Variants in SZT2 observed in about 807,000 individuals in gnomAD.
SZT2 encodes the protein KICSTOR complex protein SZT2.
A neutral mutation model predicts 404.2 loss-of-function variants in SZT2; 216 were observed. The observed-to-expected ratio is 0.53, with a 90% confidence interval of 0.48 to 0.60. SZT2 has a LOEUF of 0.60. Among genes scored for constraint, SZT2 ranks in the 20% least tolerant of loss-of-function variants. The pLI is 0.00. For synonymous variants in SZT2, 1,693 were observed against 1,749.9 expected, an observed-to-expected ratio of 0.97 and a Z score of 0.81; for missense variants, 3,857 against 4,459.2, an observed-to-expected ratio of 0.86 and a Z score of 3.85.
intron 5 of SZT2, 85 bp from the exon 6 acceptor site, chr1:43,415,875 G>C: frequency 1.4e-6 from 2 of 1,473,862 alleles, no homozygotes; most frequent in Non-Finnish European, 1.8e-6. Flanking sequence ...GGCCTGAGAA[G>C]TGCTGGGCTA....
intron 28 of SZT2, chr1:43,429,249 A>G (rs1653562500): frequency 1.3e-5 from 2 of 159,146 alleles, no homozygotes; most frequent in Admixed American, 5.9e-5. Flanking sequence ...AGGCTGTAAT[A>G]TGAAATATTA....
rs755346632 is a variant in SZT2 at position 43,428,032 on chromosome 1, C to A, written c.3833C>A (p.Ser1278Tyr). The A allele has an allele frequency of 2.5e-6, 4 of 1,614,212 alleles. No individual in the cohort carries two copies. Among genetic ancestry groups the A allele is most frequent in the Non-Finnish European group, 3.4e-6 (4 of 1,180,032 alleles). The change falls in exon 27 of 72, where the codon TCC becomes TAC. Residue 1278 changes from serine (S) to tyrosine (Y), a missense_variant. Physicochemically the swap from Ser to Tyr is moderately radical, Grantham distance 144 (BLOSUM62 -2). Transcript: ENST00000634258. ...CAGTTCCTCGACCACCCCTCCCCAT[C>A]CTCAGCCTGGATGGAACCCCGGTAC... ...RTQFLDHPSP[S>Y]SAWMEPRYKE...
Position 43,447,021 on chromosome 1 carries a change from T to C in SZT2, c.9139T>C (p.Tyr3047His). ...RDLMHVHSFSYDFHLRLVHQH... is the reference protein window; with the variant it reads ...RDLMHVHSFSHDFHLRLVHQH... ...CCTGATGCACGTGCACTCGTTCAGC[T>C]ATGACTTCCATCTGCGCCTCGTGCA... Residue 3047 changes from tyrosine (Y) to histidine (H), a missense_variant, in exon 66 of 72, where the codon TAT (tyrosine) becomes CAT (histidine). Transcript: ENST00000634258. 6.2e-7 allele frequency: 1 copy of C among 1,613,956 alleles called. No homozygotes were observed. Among genetic ancestry groups the C allele is most frequent in the African/African-American group, 1.3e-5 (1 of 75,074 alleles).
At chr1:43,434,525 G>A (rs1654264274) in intron 41 of SZT2, 40 bp downstream of exon 41, 23 of 1,496,602 alleles carry the variant, frequency 1.5e-5, no homozygotes, top group Admixed American at 2.1e-5. Context: ...ACACAGAGCA[G>A]ATGAGAACCA....
In SZT2 at chr1:43,452,172, A is replaced by G. The variant is rs771423641; in HGVS notation, c.*1692A>G. ...CCCTTCTCCGCACACCCACAGAGAC[A>G]TGTAAGTACGTGTGTGTTTCCACCT... On this transcript the variant is annotated 3_prime_UTR_variant, in exon 72 of 72. Transcript: ENST00000634258. 4 of 1,567,610 alleles carry G rather than the reference A, an allele frequency of 2.6e-6. No individual in the cohort carries two copies. In the African/African-American group the frequency reaches 4.1e-5, roughly 16 times the overall value.
chr1:43,429,592 T>A (rs1209269949), intron 28 of SZT2, 111 bp from the exon 29 acceptor site: 2 of 1,371,010 alleles, frequency 1.5e-6, no homozygotes, highest in African/African-American at 2.9e-5. Flanking sequence ...TTACGCTAAG[T>A]ACTCTTCCTG....
intron 7 of SZT2, among the ~76,000 whole-genome samples, chr1:43,417,168 T>C (rs997474691): frequency 1.3e-5 from 2 of 152,130 alleles, no homozygotes; most frequent in Non-Finnish European, 1.5e-5. Flanking sequence ...AAGTCATTAG[T>C]TGGGTTTATG....
Position 43,425,496 on chromosome 1 carries a change from G to A in SZT2, c.2668G>A (p.Asp890Asn), listed in dbSNP as rs1454443748. 6.2e-7 allele frequency: 1 copy of A among 1,614,168 alleles called. No homozygotes were observed. The highest frequency in any genetic ancestry group is 1.7e-5 in the Admixed American group (1 of 60,020). ...TAGCTTCTCGACAGATGATGACAAT[G>A]ATGTGGAAGTGGAGGCCCTGGAGGG... ...KDSFSTDDDN[D>N]VEVEALEGDS... The change falls in exon 19 of 72, where the codon GAT (aspartate) becomes AAT (asparagine). Residue 890 changes from aspartate (D) to asparagine (N), a missense_variant. Asp to Asn is a conservative substitution (Grantham distance 23). Coordinates refer to ENST00000634258, the MANE Select transcript of SZT2 (RefSeq NM_001365999.1). This position sits in a 1 kb window ranked among gnomAD's most constrained non-coding sequence, Gnocchi z 4.3.
intron 1 of SZT2, among the ~76,000 whole-genome samples, chr1:43,390,282 T>G (rs1282614993): frequency 6.6e-6 from 1 of 152,260 alleles, no homozygotes; most frequent in Admixed American, 6.5e-5. Flanking sequence ...TTAACAAAAC[T>G]TGTATTTTGA....
chr1:43,403,428 C>A (rs1464200810), intron 2 of SZT2, 126 bp downstream of exon 2: 1 of 1,434,406 alleles, frequency 7.0e-7, no homozygotes, highest in Non-Finnish European at 9.3e-7. Flanking sequence ...GGACTGCCTA[C>A]AAGATGATGG....
chr1:43,440,180 T>G lies in SZT2; in HGVS notation c.7210+132T>G, dbSNP rs114364293. 7.3e-4 allele frequency: 959 copies of G among 1,315,424 alleles called. 3 individuals are homozygous for G. Among genetic ancestry groups the G allele is most frequent in the Middle Eastern group, 6.3e-3 (24 of 3,828 alleles). 81.5% of individuals were successfully genotyped at this position (1,315,424 alleles called of 1,614,324 possible). A position where few individuals can be genotyped will look rare whatever the true frequency, so the allele number is the denominator to read the frequency against. On this transcript the variant is annotated intron_variant, in intron 51 of 71. Transcript: ENST00000634258. The stretch of plus-strand genomic sequence containing the variant: ...GAACTACTACATCAGAACCACTTAT[T>G]CACAGTTGTCCGTGAGCTTGTCTGG...
At position 43,422,677 on chromosome 1, in the gene SZT2, C is replaced by G. The variant is rs77379551; in HGVS notation, c.1922+45C>G. ...TTCACCCCCCGCCCCCCCACCCCCC[C>G]GCCACCTCATCCCATGTCTCCCTCT... is the stretch of plus-strand genomic sequence containing the variant. On this transcript the variant is annotated intron_variant, in intron 13 of 71. Transcript: ENST00000634258. 59,435 of 1,154,274 alleles carry G rather than the reference C, an allele frequency of 0.051. 1,347 individuals are homozygous for G. The highest frequency in any genetic ancestry group is 0.06 in the Non-Finnish European group (52,586 of 882,056). 71.5% of individuals were successfully genotyped at this position (1,154,274 alleles called of 1,614,324 possible).
chr1:43,446,620 A>G (rs1655704212), intron 65 of SZT2: 5 of 671,250 alleles, frequency 7.4e-6, no homozygotes, highest in Admixed American at 5.1e-5. Context: ...CGGTCATCCA[A>G]AGCGTGTTCA....
Position 43,453,640 on chromosome 1 carries a change from C to G in SZT2, c.*3160C>G, listed in dbSNP as rs1456631721. 6.7e-7 allele frequency: 1 copy of G among 1,491,382 alleles called. No homozygotes were observed. The highest frequency in any genetic ancestry group is 2.3e-5 in the Admixed American group (1 of 42,830). 92.4% of individuals were successfully genotyped at this position (1,491,382 alleles called of 1,614,324 possible). ...ACAAGCCGCAGCCCCGCTTCTCGCG[C>G]GGCGCGCGCCAGCGCCTCAGGCGTC... On this transcript the variant is annotated 3_prime_UTR_variant, in exon 72 of 72. Transcript: ENST00000634258.
chr1:43,424,845 C>T lies in SZT2; in HGVS notation c.2533C>T (p.Leu845=), dbSNP rs181729793. The change falls in exon 17 of 72, where the codon CTG becomes TTG. Residue 845 remains leucine (L), a synonymous_variant. Transcript: ENST00000634258. This position sits in a 1 kb window ranked among gnomAD's most constrained non-coding sequence, Gnocchi z 4.1. ...CSGEGIINMV[L]ELPIQNEPPG... The stretch of plus-strand genomic sequence containing the variant: ...TGGGGAAGGAATCATCAACATGGTT[C>T]TGGAGCTTCCAATTCAGGTACGTGC... The T allele has an allele frequency of 1.2e-6, 2 of 1,614,082 alleles. No individual in the cohort carries two copies. Among genetic ancestry groups the T allele is most frequent in the South Asian group, 2.2e-5 (2 of 91,074 alleles).
chr1:43,448,800 G>A lies in SZT2; in HGVS notation c.10086+72G>A. The A allele has an allele frequency of 7.0e-7, 1 of 1,428,608 alleles. No individual in the cohort carries two copies. Among genetic ancestry groups the A allele is most frequent in the South Asian group, 1.1e-5 (1 of 87,082 alleles). The allele number at this position is 1,428,608 out of a possible 1,614,324, so 88.5% of individuals were successfully genotyped here. ...CCTCACCAAACAGATGTGCCCCTCA[G>A]CCTGACCAAACAAGCTCTGCTCTGG... On this transcript the variant is annotated intron_variant, in intron 70 of 71. Coordinates refer to ENST00000634258, the MANE Select transcript of SZT2 (RefSeq NM_001365999.1). The surrounding 1 kb of genome is among the most constrained non-coding windows in gnomAD (Gnocchi z 4.2).
At position 43,423,236 on chromosome 1, in the gene SZT2, C is replaced by A. The variant is rs777799016; in HGVS notation, c.2175C>A (p.Pro725=). The A allele has an allele frequency of 6.3e-7, 1 of 1,591,940 alleles. No homozygotes were observed. The highest frequency in any genetic ancestry group is 1.7e-5 in the Admixed American group (1 of 59,448). Residue 725 remains proline (P), a synonymous_variant, in exon 15 of 72, where the codon CCC becomes CCA. Transcript: ENST00000634258. ...GCAGCTCTCCCTCCAAGTCACCCCC[C>A]GTGCTGGGGCCACAGCAGGCCCTGT... is the stretch of plus-strand genomic sequence containing the variant. ...GGGSSPSKSP[P]VLGPQQALSD...
chr1:43,422,702 T>G, intron 13 of SZT2, 67 bp from the exon 14 acceptor site: 4 of 1,036,366 alleles, frequency 3.9e-6, no homozygotes, highest in Non-Finnish European at 4.9e-6. Flanking sequence ...TGTCTCCCTC[T>G]AACCCCAGAC....
rs1404624099 is a variant in SZT2 at position 43,437,222 on chromosome 1, T to C, written c.6086T>C (p.Met2029Thr). The change falls in exon 43 of 72, where the codon ATG becomes ACG. Residue 2029 changes from methionine (M) to threonine (T), a missense_variant. Transcript: ENST00000634258. The surrounding 1 kb of genome is among the most constrained non-coding windows in gnomAD (Gnocchi z 5.3). Reference protein sequence around the residue: ...CAPRGYLAATMQFVPGHFSCD... With the variant: ...CAPRGYLAATTQFVPGHFSCD... ...CCCCGTGGGTACCTGGCAGCCACAA[T>C]GCAGTTTGTCCCTGGCCATTTCTCC... 13 of 1,614,178 alleles carry C rather than the reference T, an allele frequency of 8.1e-6. No individual in the cohort carries two copies. The highest frequency in any genetic ancestry group is 1.1e-5 in the Non-Finnish European group (13 of 1,180,036).
Sources: allele counts gnomAD v4.1 joint callset (sites outside exome capture counted in the v4.1 genomes callset), GRCh38; gene constraint gnomAD v4.1.1; non-coding constraint Gnocchi (gnomAD v3.1); transcripts MANE v1.5; gene names NCBI Gene and HGNC (gene_info 2026-07-23, HGNC 2026-07-21).